Variants in UFD1 observed in about 807,000 individuals in gnomAD.
UFD1 encodes ubiquitin recognition factor in ER-associated degradation protein 1.
Under a neutral mutation model 45.9 loss-of-function variants are expected in UFD1, and 13 were observed. That is an observed-to-expected ratio of 0.28 (90% CI 0.18 to 0.45). The LOEUF (loss-of-function observed/expected upper bound fraction) is 0.45. Among genes scored for constraint, UFD1 ranks in the 20% least tolerant of loss-of-function variants. The probability of loss-of-function intolerance (pLI) is 1.00; values close to 1 mark genes in which losing one functional copy is unlikely to be tolerated. For synonymous variants in UFD1, 128 were observed against 139.2 expected, an observed-to-expected ratio of 0.92 and a Z score of 0.56; for missense variants, 218 against 389.2, an observed-to-expected ratio of 0.56 and a Z score of 3.70.
At chr22:19,467,768 T>C in intron 5 of UFD1, 105 bp downstream of exon 5, 1 of 1,515,796 alleles carries the variant, frequency 6.6e-7, no homozygotes, top group Non-Finnish European at 8.9e-7. Flanking sequence ...ATCACAAATG[T>C]GTGATCCCCA....
intron 11 of UFD1, chr22:19,452,010 G>C (rs2089686778): frequency 1.1e-6 from 1 of 873,208 alleles, no homozygotes; most frequent in Non-Finnish European, 1.4e-6. Flanking sequence ...CCTGAGAAAA[G>C]ATGCATGAGG....
In UFD1 at chr22:19,474,640, C is replaced by T. The variant is rs545709898; in HGVS notation, c.169+428G>A. ...GAGGGGATGAGGAACCTGCTCACAG[C>T]GCCCTCTTGTGAGCTGACCAATTCT... On this transcript the variant is annotated intron_variant, in intron 3 of 11. Coordinates refer to ENST00000263202, the MANE Select transcript of UFD1 (RefSeq NM_005659.7). 1.0e-3 allele frequency among the ~76,000 whole-genome samples: 159 copies of T among 152,276 alleles called. 1 individual carries two copies. Among genetic ancestry groups the T allele is most frequent in the Non-Finnish European group, 1.9e-3 (126 of 68,014 alleles).
intron 9 of UFD1, among the ~76,000 whole-genome samples, chr22:19,456,104 A>G (rs1176654624): frequency 6.6e-6 from 1 of 152,116 alleles, no homozygotes; most frequent in Admixed American, 6.5e-5. Context: ...TCAGCTTCCC[A>G]TCATTCTGCC....
intron 5 of UFD1, chr22:19,465,963 A>C (rs2089798770): frequency 6.6e-6 from 1 of 152,260 alleles, no homozygotes; most frequent in Non-Finnish European, 1.5e-5. Context: ...GGAAATGTCT[A>C]TTCATGTGGA....
chr22:19,457,944 T>C, intron 7 of UFD1, 127 bp downstream of exon 7: 1 of 915,804 alleles, frequency 1.1e-6, no homozygotes, highest in Non-Finnish European at 1.7e-6. Flanking sequence ...TCTGACAGCA[T>C]CTTCCTCCTC....
At position 19,479,052 on chromosome 22, in the gene UFD1, C is replaced by T. The variant is rs749213953; in HGVS notation, c.3+31G>A. 2.5e-6 allele frequency: 4 copies of T among 1,609,076 alleles called. No individual in the cohort carries two copies. In the African/African-American group the frequency reaches 5.3e-5, roughly 22 times the overall value. On this transcript the variant is annotated intron_variant, in intron 1 of 11. Transcript: ENST00000263202. ...CTACCTCAGGCCCCGGGCCAAGGCC[C>T]AGCCCCCGCCCGCTGCCCGTCAGCG... is the stretch of plus-strand genomic sequence containing the variant.
chr22:19,454,895 GAC>G (rs910208142), intron 10 of UFD1, 65 bp from the exon 11 acceptor site: 120 of 1,538,474 alleles, frequency 7.8e-5, no homozygotes, highest in Non-Finnish European at 1.0e-4. Flanking sequence ...ATTCATTTTT[GAC>G]AGTCAAGAGG....
chr22:19,462,522 G>A (rs73383670), intron 6 of UFD1, among the ~76,000 whole-genome samples: 12,960 of 151,810 alleles, frequency 0.085, 1,829 homozygotes, highest in African/African-American at 0.3. Context: ...AAAAGTAGCC[G>A]CAAGTGGTGG....
In UFD1 at chr22:19,454,736, GAAAT is replaced by G; in HGVS notation, c.849+9_849+12del. On this transcript the variant is annotated intron_variant, in intron 11 of 11. Transcript: ENST00000263202. ...TCATTACCAACCAAGGAAATACAAG[GAAAT>G]ACACTCACCTCTTCAACCTTTTTGA... The G allele has an allele frequency of 1.2e-6, 2 of 1,613,846 alleles. No individual in the cohort carries two copies. The highest frequency in any genetic ancestry group is 2.2e-5 in the South Asian group (2 of 91,072).
chr22:19,458,121 TCA>T lies in UFD1; in HGVS notation c.512_513del (p.Val171AspfsTer13). ...NYNEKIYELR[V>X]METKPDKAVS... is the part of the protein sequence containing the mutation. ...ACTGCCTTGTCGGGTTTGGTCTCCATCACACGCAGTTCGTAGATCTGTGGGGC... is the reference window on the plus strand; with the variant it reads ...ACTGCCTTGTCGGGTTTGGTCTCCATCACGCAGTTCGTAGATCTGTGGGGC... On this transcript the variant is annotated frameshift_variant, in exon 7 of 12. Coordinates refer to ENST00000263202, the MANE Select transcript of UFD1 (RefSeq NM_005659.7). LOFTEE classifies it high-confidence loss of function. The T allele has an allele frequency of 6.2e-7, 1 of 1,614,120 alleles. No homozygotes were observed. The highest frequency in any genetic ancestry group is 8.5e-7 in the Non-Finnish European group (1 of 1,179,986).
At position 19,456,709 on chromosome 22, in the gene UFD1, T is replaced by C. The variant is rs1014312064; in HGVS notation, c.631-75A>G. The C allele has an allele frequency of 2.4e-5, 38 of 1,608,482 alleles. No individual in the cohort carries two copies. The African/African-American group carries it at 5.0e-4, about 21-fold the overall frequency. ...CTTCCCTCTCACCCCCACCCCCGGCTAGGATGTCCCCCGGAAGCATGGCTG... is the reference window on the plus strand; with the variant it reads ...CTTCCCTCTCACCCCCACCCCCGGCCAGGATGTCCCCCGGAAGCATGGCTG... On this transcript the variant is annotated intron_variant, in intron 8 of 11. Coordinates refer to ENST00000263202, the MANE Select transcript of UFD1 (RefSeq NM_005659.7).
chr22:19,478,939 G>A, intron 1 of UFD1, 144 bp downstream of exon 1: 1 of 1,143,736 alleles, frequency 8.7e-7, no homozygotes, highest in South Asian at 1.7e-5. Context: ...CTTGTGCCCG[G>A]TGCGGCCGAT....
chr22:19,456,836 C>G lies in UFD1; in HGVS notation c.630+17G>C. 1 of 1,614,126 alleles carries G rather than the reference C, an allele frequency of 6.2e-7. No homozygotes were observed. The highest frequency in any genetic ancestry group is 8.5e-7 in the Non-Finnish European group (1 of 1,180,012). Reference sequence around the variant, plus strand: ...GCATGCAGCAGGACAGCAAAGGACACTGAGGATAACACTTACTGTCGACTC... The same window carrying G: ...GCATGCAGCAGGACAGCAAAGGACAGTGAGGATAACACTTACTGTCGACTC... On this transcript the variant is annotated intron_variant, in intron 8 of 11. Coordinates refer to ENST00000263202, the MANE Select transcript of UFD1 (RefSeq NM_005659.7).
In UFD1 at chr22:19,450,625, G is replaced by A. The variant is rs376222855; in HGVS notation, c.*45C>T. ...GCCAGTAACTAAAAGCCAAGATGTT[G>A]CAAATGATTCTTTTATTATTTTCCA... On this transcript the variant is annotated 3_prime_UTR_variant, in exon 12 of 12. Transcript: ENST00000263202. 336 of 1,612,016 alleles carry A rather than the reference G, an allele frequency of 2.1e-4. 1 individual carries two copies. Among genetic ancestry groups the A allele is most frequent in the Non-Finnish European group, 2.7e-4 (320 of 1,178,784 alleles).
intron 11 of UFD1, chr22:19,451,883 C>A: frequency 1.0e-6 from 1 of 985,496 alleles, no homozygotes; most frequent in Non-Finnish European, 1.2e-6. Flanking sequence ...CGTACCTGGA[C>A]TGGCCTTTCT....
At chr22:19,457,539 G>A (rs979220798) in intron 7 of UFD1, among the ~76,000 whole-genome samples, 35 of 152,142 alleles carry the variant, frequency 2.3e-4, no homozygotes, top group Admixed American at 2.0e-4. Flanking sequence ...TCGGCCAGGC[G>A]CGGTGGCCCA....
intron 4 of UFD1, 87 bp downstream of exon 4, chr22:19,471,600 C>A: frequency 6.5e-7 from 1 of 1,549,468 alleles, no homozygotes; most frequent in Non-Finnish European, 8.7e-7. Context: ...TAGGCGGGGC[C>A]ACCTGCTCCA....
chr22:19,478,270 G>A (rs1209081812), intron 1 of UFD1, among the ~76,000 whole-genome samples: 1 of 152,076 alleles, frequency 6.6e-6, no homozygotes, highest in Non-Finnish European at 1.5e-5. Flanking sequence ...ATAGAAATAA[G>A]CCAGGGTTTG....
chr22:19,470,945 A>T (rs961872836), intron 4 of UFD1, among the ~76,000 whole-genome samples: 1 of 152,192 alleles, frequency 6.6e-6, no homozygotes, highest in Non-Finnish European at 1.5e-5. Context: ...ATGTAATCCA[A>T]GCACAAAGAG....
Sources: gnomAD v4.1 joint callset for allele counts (sites outside exome capture counted in the v4.1 genomes callset) on GRCh38, gnomAD v4.1.1 for gene constraint, MANE v1.5 for transcripts, NCBI Gene and HGNC (gene_info 2026-07-23, HGNC 2026-07-21) for gene names.